The following KIRREL3 variants were observed in gnomAD, a reference collection of about 807,000 sequenced individuals.
The protein encoded by KIRREL3 is kin of IRRE-like protein 3.
In KIRREL3, 36 loss-of-function variants were observed where a neutral mutation model predicts 89.7. The observed-to-expected ratio is 0.40, with a 90% CI of 0.31 to 0.53. The LOEUF is 0.53. Ranked by LOEUF, KIRREL3 falls within the 20% of genes least tolerant of loss-of-function variation. The pLI, the probability that KIRREL3 is intolerant of heterozygous loss-of-function variation, is 0.49. For synonymous variants in KIRREL3, 445 were observed against 441.4 expected (o/e 1.01, Z -0.10); for missense variants, 864 against 1,056.6 (o/e 0.82, Z 2.53).
In KIRREL3 at chr11:126,668,695, TTCTTTCTTTC is replaced by T. The variant is rs1465489409; in HGVS notation, c.56-105793_56-105784del. 2.5e-5 allele frequency among the ~76,000 whole-genome samples: 1 copy of T among 39,248 alleles called. No individual in the cohort carries two copies. Among genetic ancestry groups the T allele is most frequent in the Non-Finnish European group, 5.9e-5 (1 of 16,948 alleles). The allele number at this position is 39,248 out of a possible 152,430, so 25.7% of individuals were successfully genotyped here. On this transcript the variant is annotated intron_variant, in intron 1 of 16. Transcript: ENST00000525144. The surrounding 1 kb of genome is among the most constrained non-coding windows in gnomAD (Gnocchi z 4.4). ...AAGAGCTGTTGGGAAGTTTCTGTTT[TTCTTTCTTTC>T]TTTCTTTCTTTCTTTCTTTCTTTCT... is the stretch of plus-strand genomic sequence containing the variant.
chr11:126,698,075 A>T (rs1947170589), intron 1 of KIRREL3, among the ~76,000 whole-genome samples: 1 of 152,170 alleles, frequency 6.6e-6, no homozygotes, highest in Non-Finnish European at 1.5e-5. Context: ...TGAATGTAAA[A>T]ACTCCTAAAT....
chr11:126,472,992 A>AC (rs59405445), intron 5 of KIRREL3, among the ~76,000 whole-genome samples: 7,768 of 33,936 alleles, frequency 0.23, 960 homozygotes, highest in African/African-American at 0.41. Context: ...TCTCTACCTA[A>AC]CCCCCAGCCC....
chr11:126,844,201 G>T lies in KIRREL3; in HGVS notation c.55+156254C>A, dbSNP rs1944058202. On this transcript the variant is annotated intron_variant, in intron 1 of 16. Transcript: ENST00000525144. This position sits in a 1 kb window ranked among gnomAD's most constrained non-coding sequence, Gnocchi z 4.8. Reference sequence around the variant, plus strand: ...AAAGGCTAACTTTGGGTAAGTGGTGGGGGTCCGGTAACATCTTTCTGGTGA... The same window carrying T: ...AAAGGCTAACTTTGGGTAAGTGGTGTGGGTCCGGTAACATCTTTCTGGTGA... Among the ~76,000 whole-genome samples, 1 of 151,946 alleles carries T rather than the reference G, an allele frequency of 6.6e-6. No homozygotes were observed. Among genetic ancestry groups the T allele is most frequent in the African/African-American group, 2.4e-5 (1 of 41,352 alleles).
At position 126,477,617 on chromosome 11, in the gene KIRREL3, T is replaced by C. The variant is rs917876093; in HGVS notation, c.434-4151A>G. Among the ~76,000 whole-genome samples, 1 of 152,172 alleles carries C rather than the reference T, an allele frequency of 6.6e-6. No homozygotes were observed. The highest frequency in any genetic ancestry group is 1.5e-5 in the Non-Finnish European group (1 of 68,032). On this transcript the variant is annotated intron_variant, in intron 4 of 16. Coordinates refer to ENST00000525144, the MANE Select transcript of KIRREL3 (RefSeq NM_032531.4). This position sits in a 1 kb window ranked among gnomAD's most constrained non-coding sequence, Gnocchi z 4.8. ...TCTCTAACCTCTATACTCCCCTTTTTTTAGAGACAGTTTGCCAGGTTGGCC... is the reference window on the plus strand; with the variant it reads ...TCTCTAACCTCTATACTCCCCTTTTCTTAGAGACAGTTTGCCAGGTTGGCC...
chr11:126,440,003 C>T (rs898206495), intron 11 of KIRREL3, among the ~76,000 whole-genome samples: 1 of 152,168 alleles, frequency 6.6e-6, no homozygotes, highest in East Asian at 1.9e-4. Context: ...GGCAACAGGG[C>T]AGGCTACCAT....
chr11:126,996,398 C>G lies in KIRREL3; in HGVS notation c.55+4057G>C, dbSNP rs1383493655. ...TTTGCTGATTCCTTCTCTGCCTGTA[C>G]CCCCTATGATCCCTCCATTCTTTAG... On this transcript the variant is annotated intron_variant, in intron 1 of 16. Coordinates refer to ENST00000525144, the MANE Select transcript of KIRREL3 (RefSeq NM_032531.4). The surrounding 1 kb of genome is among the most constrained non-coding windows in gnomAD (Gnocchi z 4.7). Among the ~76,000 whole-genome samples, 1 of 152,136 alleles carries G rather than the reference C, an allele frequency of 6.6e-6. No homozygotes were observed. The highest frequency in any genetic ancestry group is 1.5e-5 in the Non-Finnish European group (1 of 68,022).
rs955292669 is a variant in KIRREL3, at chr11:126,569,389, G to T, written c.56-6477C>A. ...GGGGAAACAGCAGTTGGATCCTGTG[G>T]GTAGACTCTGCTACAAGCATTAATC... On this transcript the variant is annotated intron_variant, in intron 1 of 16. Transcript: ENST00000525144. This position sits in a 1 kb window ranked among gnomAD's most constrained non-coding sequence, Gnocchi z 6.5. 1.3e-5 allele frequency among the ~76,000 whole-genome samples: 2 copies of T among 152,066 alleles called. No homozygotes were observed. Among genetic ancestry groups the T allele is most frequent in the African/African-American group, 4.8e-5 (2 of 41,416 alleles).
intron 1 of KIRREL3, among the ~76,000 whole-genome samples, chr11:126,626,033 A>C (rs1269699149): frequency 1.3e-5 from 2 of 152,192 alleles, no homozygotes; most frequent in Admixed American, 6.5e-5. Context: ...GTACTACATA[A>C]GTTTATTCAC....
intron 1 of KIRREL3, among the ~76,000 whole-genome samples, chr11:126,632,847 T>A (rs1226151679): frequency 9.8e-6 from 1 of 102,128 alleles, no homozygotes; most frequent in Non-Finnish European, 2.1e-5. Context: ...ATCCCAGCAC[T>A]TTGGCAGGCC....
intron 1 of KIRREL3, among the ~76,000 whole-genome samples, chr11:126,951,316 T>C (rs1430496280): frequency 6.6e-6 from 1 of 152,228 alleles, no homozygotes; most frequent in Non-Finnish European, 1.5e-5. Context: ...TCTGGGTATT[T>C]GATAATGGAC....
At chr11:126,824,434 G>A (rs1430350903) in intron 1 of KIRREL3, among the ~76,000 whole-genome samples, 1 of 152,204 alleles carries the variant, frequency 6.6e-6, no homozygotes, top group Non-Finnish European at 1.5e-5. Context: ...TTCAGGGAGG[G>A]TAAACAACTC....
rs549271502 is a variant in KIRREL3, at chr11:126,878,891, C to T, written c.55+121564G>A. ...GACCTGGCCACACTTCTATTTTCGT[C>T]CTCAAAGAGAAATGGTGTGGCCAAG... On this transcript the variant is annotated intron_variant, in intron 1 of 16. Transcript: ENST00000525144. Among the ~76,000 whole-genome samples, 9 of 152,224 alleles carry T rather than the reference C, an allele frequency of 5.9e-5. 1 individual carries two copies. Among genetic ancestry groups the T allele is most frequent in the African/African-American group, 2.2e-4 (9 of 41,546 alleles).
At chr11:126,832,737 G>A (rs1240517383) in intron 1 of KIRREL3, among the ~76,000 whole-genome samples, 1 of 152,196 alleles carries the variant, frequency 6.6e-6, no homozygotes, top group Non-Finnish European at 1.5e-5. Flanking sequence ...TTTTGAAAGG[G>A]TCAGTGTGGC....
At position 126,508,022 on chromosome 11, in the gene KIRREL3, G is replaced by C. The variant is rs1422552460; in HGVS notation, c.433+13293C>G. ...AAAGGGGAAGGGAGCAGTGGGATTG[G>C]GGGTAGGGCAGAGATAGTCCTTCCT... On this transcript the variant is annotated intron_variant, in intron 4 of 16. Transcript: ENST00000525144. This position sits in a 1 kb window ranked among gnomAD's most constrained non-coding sequence, Gnocchi z 4.9. Among the ~76,000 whole-genome samples the C allele has an allele frequency of 6.6e-6, 1 of 152,190 alleles. No individual in the cohort carries two copies. Among genetic ancestry groups the C allele is most frequent in the Non-Finnish European group, 1.5e-5 (1 of 68,030 alleles).
intron 5 of KIRREL3, among the ~76,000 whole-genome samples, chr11:126,467,928 G>A (rs772097733): frequency 1.3e-5 from 2 of 152,158 alleles, no homozygotes; most frequent in Non-Finnish European, 2.9e-5. Context: ...CCCAGTGGAG[G>A]GTGAGGGCCC....
At chr11:126,465,442 G>A (rs1446209278) in intron 5 of KIRREL3, among the ~76,000 whole-genome samples, 1 of 152,186 alleles carries the variant, frequency 6.6e-6, no homozygotes, top group Non-Finnish European at 1.5e-5. Context: ...TGGGTACCGT[G>A]CTCTTGGCAG....
intron 1 of KIRREL3, among the ~76,000 whole-genome samples, chr11:126,815,911 G>A (rs1178150028): frequency 6.6e-6 from 1 of 152,024 alleles, no homozygotes; most frequent in African/African-American, 2.4e-5. Context: ...CTCTTAATAA[G>A]CAAAAACCAC....
In KIRREL3 at chr11:126,931,284, T is replaced by C. The variant is rs1947938254; in HGVS notation, c.55+69171A>G. Among the ~76,000 whole-genome samples, 1 of 152,168 alleles carries C rather than the reference T, an allele frequency of 6.6e-6. No homozygotes were observed. Among genetic ancestry groups the C allele is most frequent in the African/African-American group, 2.4e-5 (1 of 41,432 alleles). ...GTCTGGCACATAGGATGTACTGAAA[T>C]CAAGATTGAATGAATGAATGAATGG... is the stretch of plus-strand genomic sequence containing the variant. On this transcript the variant is annotated intron_variant, in intron 1 of 16. Coordinates refer to ENST00000525144, the MANE Select transcript of KIRREL3 (RefSeq NM_032531.4). The surrounding 1 kb of genome is among the most constrained non-coding windows in gnomAD (Gnocchi z 5.1).
chr11:126,435,263 C>G lies in KIRREL3; in HGVS notation c.1588+5G>C, dbSNP rs1198264884. ...CAGGGCCATTCTCATCATCTCCTTC[C>G]GTACCTGCTTCCAGCCCGGCTCCCG... On this transcript the variant is annotated splice_donor_5th_base_variant and intron_variant, in intron 13 of 16. Coordinates refer to ENST00000525144, the MANE Select transcript of KIRREL3 (RefSeq NM_032531.4). The G allele has an allele frequency of 1.2e-6, 2 of 1,613,640 alleles. No homozygotes were observed. Among genetic ancestry groups the G allele is most frequent in the African/African-American group, 2.7e-5 (2 of 74,914 alleles).
Sources: allele counts gnomAD v4.1 joint callset (sites outside exome capture counted in the v4.1 genomes callset), GRCh38; gene constraint gnomAD v4.1.1; non-coding constraint Gnocchi (gnomAD v3.1); transcripts MANE v1.5; gene names NCBI Gene and HGNC (gene_info 2026-07-23, HGNC 2026-07-21).